The following CNTNAP5 variants were observed in gnomAD, a reference collection of about 807,000 sequenced individuals.
CNTNAP5 encodes contactin-associated protein-like 5.
Under a neutral mutation model 150.2 loss-of-function variants are expected in CNTNAP5, and 72 were observed. The observed-to-expected ratio is 0.48, with a 90% CI of 0.40 to 0.58. The LOEUF (loss-of-function observed/expected upper bound fraction) is 0.58. CNTNAP5 is among the 20% of genes least tolerant of loss of function. The pLI is 0.00. For missense variants in CNTNAP5, 1,636 were observed against 1,626.2 expected, an observed-to-expected ratio of 1.01 and a Z score of -0.10; for synonymous variants, 672 against 619.8, an observed-to-expected ratio of 1.08 and a Z score of -1.25.
intron 5 of CNTNAP5, among the ~76,000 whole-genome samples, chr2:124,435,617 T>A (rs532193249): frequency 1.3e-5 from 2 of 152,330 alleles, no homozygotes; most frequent in South Asian, 2.1e-4. Flanking sequence ...CTTTTTGTCT[T>A]CACTATAAAA....
At chr2:124,218,926 T>C (rs904591462) in intron 1 of CNTNAP5, among the ~76,000 whole-genome samples, 9 of 152,154 alleles carry the variant, frequency 5.9e-5, no homozygotes, top group Non-Finnish European at 4.4e-5. Flanking sequence ...CTCCTTGAGG[T>C]CTAGACTTTA....
rs188311856 is a variant in CNTNAP5 at position 124,254,981 on chromosome 2, G to A, written c.381+12588G>A. 3.7e-4 allele frequency among the ~76,000 whole-genome samples: 56 copies of A among 152,178 alleles called. No individual in the cohort carries two copies. In the South Asian group the frequency reaches 7.3e-3, roughly 20 times the overall value. On this transcript the variant is annotated intron_variant, in intron 3 of 23. Transcript: ENST00000682447. ...CATATAAGCGAACATTTTGTTACGC[G>A]AAAGCTCAAATAGCAGCAGAGTTTG...
intron 21 of CNTNAP5, among the ~76,000 whole-genome samples, chr2:124,898,542 G>A (rs1004998795): frequency 1.3e-5 from 2 of 151,532 alleles, no homozygotes; most frequent in Non-Finnish European, 2.9e-5. Flanking sequence ...GAGGAGCATA[G>A]CTTTACTTAC....
chr2:124,834,225 A>C (rs2104684729), intron 19 of CNTNAP5, among the ~76,000 whole-genome samples: 1 of 152,278 alleles, frequency 6.6e-6, no homozygotes, highest in South Asian at 2.1e-4. Flanking sequence ...CTTGACCACT[A>C]ATTCACAAAC....
At chr2:124,301,670 C>T (rs1188231618) in intron 3 of CNTNAP5, among the ~76,000 whole-genome samples, 6 of 152,182 alleles carry the variant, frequency 3.9e-5, no homozygotes, top group African/African-American at 1.4e-4. Flanking sequence ...CATGTTTCAT[C>T]CTCTCCCAGA....
At chr2:124,156,086 G>A (rs1344703154) in intron 1 of CNTNAP5, among the ~76,000 whole-genome samples, 1 of 152,220 alleles carries the variant, frequency 6.6e-6, no homozygotes, top group Non-Finnish European at 1.5e-5. Context: ...AATGTATCAT[G>A]TTGCAGAAAA....
chr2:124,811,979 T>C (rs1414331428), intron 19 of CNTNAP5, among the ~76,000 whole-genome samples: 1 of 101,540 alleles, frequency 9.8e-6, no homozygotes, highest in African/African-American at 3.8e-5. Flanking sequence ...ATAATATATA[T>C]AAAATTTATA....
At chr2:124,800,708 A>G (rs1681949163) in intron 19 of CNTNAP5, among the ~76,000 whole-genome samples, 1 of 152,204 alleles carries the variant, frequency 6.6e-6, no homozygotes, top group Admixed American at 6.5e-5. Context: ...ACTCTATTAA[A>G]AGCTGCCTGA....
intron 3 of CNTNAP5, among the ~76,000 whole-genome samples, chr2:124,294,736 A>G (rs918174358): frequency 2.6e-5 from 4 of 152,250 alleles, no homozygotes; most frequent in African/African-American, 9.6e-5. Context: ...TTCCGGCAAC[A>G]AAAAATTCGC....
At chr2:124,866,895 C>A (rs1016805339) in intron 20 of CNTNAP5, among the ~76,000 whole-genome samples, 1 of 152,156 alleles carries the variant, frequency 6.6e-6, no homozygotes, top group Non-Finnish European at 1.5e-5. Flanking sequence ...TAACTCTGAG[C>A]AGATGACTTT....
intron 13 of CNTNAP5, among the ~76,000 whole-genome samples, chr2:124,686,712 G>C (rs1679199922): frequency 6.6e-6 from 1 of 152,076 alleles, no homozygotes; most frequent in Non-Finnish European, 1.5e-5. Flanking sequence ...TAATAAAATA[G>C]TGCTTTAAAG....
intron 1 of CNTNAP5, among the ~76,000 whole-genome samples, chr2:124,047,009 G>T (rs77460869): frequency 2.0e-5 from 3 of 152,118 alleles, no homozygotes; most frequent in Admixed American, 6.5e-5. Flanking sequence ...TTGAGAGAGC[G>T]GCTTGTTCAA....
chr2:124,881,154 G>A (rs117998052), intron 21 of CNTNAP5, among the ~76,000 whole-genome samples: 1 of 152,192 alleles, frequency 6.6e-6, no homozygotes, highest in East Asian at 1.9e-4. Flanking sequence ...GAGAGAGCAT[G>A]GAAAGGAGCT....
chr2:124,830,092 G>T (rs1415244060), intron 19 of CNTNAP5, among the ~76,000 whole-genome samples: 2 of 151,488 alleles, frequency 1.3e-5, no homozygotes, highest in East Asian at 3.9e-4. Context: ...ATGGAAAGAG[G>T]ATCTAGATTA....
Position 124,085,594 on chromosome 2 carries a change from G to A in CNTNAP5, c.82+59862G>A, listed in dbSNP as rs371859305. Among the ~76,000 whole-genome samples the A allele has an allele frequency of 1.0e-3, 159 of 152,150 alleles. 1 individual carries two copies. Among genetic ancestry groups the A allele is most frequent in the African/African-American group, 3.5e-3 (146 of 41,510 alleles). On this transcript the variant is annotated intron_variant, in intron 1 of 23. Coordinates refer to ENST00000682447, the MANE Select transcript of CNTNAP5 (RefSeq NM_001367498.1). The stretch of plus-strand genomic sequence containing the variant: ...TTCCTTTTTCTAAGTTCTTGAGCTT[G>A]CAGCTTGGATGATTGACTTGAACTC...
chr2:124,438,952 G>A (rs1303993724), intron 5 of CNTNAP5, among the ~76,000 whole-genome samples: 1 of 152,070 alleles, frequency 6.6e-6, no homozygotes, highest in East Asian at 1.9e-4. Context: ...TCACATAGCT[G>A]CAAAGCTGTA....
At chr2:124,780,537 T>C (rs1163450749) in intron 17 of CNTNAP5, among the ~76,000 whole-genome samples, 3 of 152,224 alleles carry the variant, frequency 2.0e-5, no homozygotes, top group Non-Finnish European at 4.4e-5. Context: ...ACTTTAAAGA[T>C]AAAGGGATTT....
chr2:124,502,861 C>T (rs1194797801), intron 7 of CNTNAP5, among the ~76,000 whole-genome samples: 1 of 152,180 alleles, frequency 6.6e-6, no homozygotes, highest in African/African-American at 2.4e-5. Context: ...CCAAGTTAGA[C>T]AAACATGGGT....
intron 3 of CNTNAP5, among the ~76,000 whole-genome samples, chr2:124,388,914 G>T (rs1485975642): frequency 6.6e-6 from 1 of 152,034 alleles, no homozygotes; most frequent in Non-Finnish European, 1.5e-5. Flanking sequence ...CCATTTTTGT[G>T]CTCACCGTTA....
Sources: gnomAD v4.1 joint callset for allele counts (sites outside exome capture counted in the v4.1 genomes callset) on GRCh38, gnomAD v4.1.1 for gene constraint, MANE v1.5 for transcripts, NCBI Gene and HGNC (gene_info 2026-07-23, HGNC 2026-07-21) for gene names.